Variants in RAB28 observed in about 807,000 individuals in gnomAD.
The protein encoded by RAB28 is ras-related protein Rab-28.
A neutral mutation model predicts 31.7 loss-of-function variants in RAB28; 24 were observed. The ratio of observed to expected loss-of-function variants is 0.76; its 90% CI spans 0.55 to 1.06. RAB28 has a LOEUF of 1.06. Among genes scored for constraint, RAB28 ranks in the 50% least tolerant of loss-of-function variants. The pLI is 0.00. For missense variants in RAB28, 254 were observed against 258.5 expected, an observed-to-expected ratio of 0.98 and a Z score of 0.12; for synonymous variants, 100 against 90.4, an observed-to-expected ratio of 1.11 and a Z score of -0.60.
intron 4 of RAB28, among the ~76,000 whole-genome samples, chr4:13,438,977 G>T (rs1327692740): frequency 6.6e-6 from 1 of 151,960 alleles, no homozygotes; most frequent in Non-Finnish European, 1.5e-5. Flanking sequence ...CATCCTACTG[G>T]GTGTGACATG....
At chr4:13,377,071 T>C (rs888823824) in intron 5 of RAB28, among the ~76,000 whole-genome samples, 3 of 152,226 alleles carry the variant, frequency 2.0e-5, no homozygotes, top group South Asian at 4.1e-4. Flanking sequence ...TCTAACACTT[T>C]AATACTCTCT....
intron 1 of RAB28, among the ~76,000 whole-genome samples, chr4:13,480,058 C>T (rs980779691): frequency 6.6e-6 from 1 of 151,520 alleles, no homozygotes; most frequent in Non-Finnish European, 1.5e-5. Context: ...ATGAAAATGA[C>T]CCTAAAGAAA....
At chr4:13,447,073 A>T (rs1393810824) in intron 4 of RAB28, among the ~76,000 whole-genome samples, 4 of 152,038 alleles carry the variant, frequency 2.6e-5, no homozygotes, top group African/African-American at 7.2e-5. Context: ...GAGAGAATCT[A>T]TTATTCCTAG....
chr4:13,400,315 T>C (rs908857448), intron 4 of RAB28, among the ~76,000 whole-genome samples: 5 of 152,178 alleles, frequency 3.3e-5, no homozygotes, highest in Admixed American at 6.5e-5. Context: ...GGATTTTTCA[T>C]CTTCCCTATA....
At chr4:13,380,495 G>A (rs935451788) in intron 5 of RAB28, among the ~76,000 whole-genome samples, 1 of 151,468 alleles carries the variant, frequency 6.6e-6, no homozygotes, top group Non-Finnish European at 1.5e-5. Context: ...AGCAGAAAGT[G>A]AATAACTAAT....
chr4:13,383,838 T>G (rs1006339771), intron 4 of RAB28, among the ~76,000 whole-genome samples: 1 of 152,200 alleles, frequency 6.6e-6, no homozygotes, highest in African/African-American at 2.4e-5. Context: ...CTAGGGGAAC[T>G]GTCAGACCTG....
At chr4:13,373,139 A>G (rs1372652978) in intron 6 of RAB28, among the ~76,000 whole-genome samples, 3 of 152,168 alleles carry the variant, frequency 2.0e-5, no homozygotes, top group Admixed American at 2.0e-4. Flanking sequence ...ACTGAAGGAC[A>G]CAAGACAGGA....
chr4:13,398,497 G>A (rs1268486553), intron 4 of RAB28, among the ~76,000 whole-genome samples: 2 of 152,120 alleles, frequency 1.3e-5, no homozygotes, highest in Admixed American at 6.5e-5. Context: ...TAAGACTGTC[G>A]GCCGGGCGCG....
intron 5 of RAB28, among the ~76,000 whole-genome samples, chr4:13,378,026 G>GCT (rs1728988167): frequency 6.6e-6 from 1 of 152,180 alleles, no homozygotes; most frequent in Non-Finnish European, 1.5e-5. Flanking sequence ...CAGCCTATTA[G>GCT]ACATCTAAGA....
chr4:13,427,764 A>G (rs1361118501), intron 4 of RAB28, among the ~76,000 whole-genome samples: 1 of 152,196 alleles, frequency 6.6e-6, no homozygotes, highest in Non-Finnish European at 1.5e-5. Flanking sequence ...AAACTCATTG[A>G]ATGCTCAGGG....
intron 3 of RAB28, among the ~76,000 whole-genome samples, chr4:13,462,348 C>T (rs1002003721): frequency 6.6e-6 from 1 of 152,116 alleles, no homozygotes; most frequent in African/African-American, 2.4e-5. Flanking sequence ...CATATAGATA[C>T]AGCAGATGTA....
chr4:13,452,001 T>A (rs575846983), intron 4 of RAB28, among the ~76,000 whole-genome samples: 1 of 152,066 alleles, frequency 6.6e-6, no homozygotes, highest in South Asian at 2.1e-4. Context: ...CTTTGTAGTA[T>A]GTTTTCAACT....
At chr4:13,435,387 C>G (rs1714042938) in intron 4 of RAB28, among the ~76,000 whole-genome samples, 1 of 151,472 alleles carries the variant, frequency 6.6e-6, no homozygotes, top group East Asian at 1.9e-4. Flanking sequence ...CAGAGCATAA[C>G]TAAATGGAAT....
At chr4:13,459,792 T>C (rs1715495680) in intron 4 of RAB28, 9 of 1,208,354 alleles carry the variant, frequency 7.4e-6, no homozygotes, top group East Asian at 6.3e-5. Context: ...GACACTTCTT[T>C]CTTCCCTAAA....
chr4:13,462,456 T>C (rs912735440), intron 3 of RAB28, among the ~76,000 whole-genome samples: 1 of 152,198 alleles, frequency 6.6e-6, no homozygotes, highest in African/African-American at 2.4e-5. Flanking sequence ...ATGTGTGACT[T>C]TATACATAAT....
intron 3 of RAB28, among the ~76,000 whole-genome samples, chr4:13,464,280 G>C (rs1715738387): frequency 1.3e-5 from 2 of 152,044 alleles, no homozygotes; most frequent in South Asian, 4.1e-4. Context: ...GGCATGAAGA[G>C]AGGAAAAAAG....
chr4:13,396,204 G>A (rs924533277), intron 4 of RAB28, among the ~76,000 whole-genome samples: 1 of 151,916 alleles, frequency 6.6e-6, no homozygotes, highest in African/African-American at 2.4e-5. Context: ...TATAGCACTT[G>A]TACAGATTTC....
intron 6 of RAB28, among the ~76,000 whole-genome samples, chr4:13,369,144 C>G (rs540751576): frequency 3.8e-4 from 58 of 152,178 alleles, no homozygotes; most frequent in African/African-American, 1.3e-3. Flanking sequence ...AGAGGATTCA[C>G]ATATAAAGCA....
rs181628438 is a variant in RAB28 at position 13,453,682 on chromosome 4, T to C, written c.391+7017A>G. On this transcript the variant is annotated intron_variant, in intron 4 of 6. Coordinates refer to ENST00000330852, the MANE Select transcript of RAB28 (RefSeq NM_001017979.3). ...CCATTCTATCCTGGCCTGTAAGGTT[T>C]CTGCTGAAAAATCCACAGTTAGTCC... Among the ~76,000 whole-genome samples the C allele has an allele frequency of 2.2e-3, 331 of 152,258 alleles. 3 individuals are homozygous for C. Among genetic ancestry groups the C allele is most frequent in the Non-Finnish European group, 2.0e-3 (134 of 67,988 alleles).
Sources: allele counts gnomAD v4.1 joint callset (sites outside exome capture counted in the v4.1 genomes callset), GRCh38; gene constraint gnomAD v4.1.1; transcripts MANE v1.5; gene names NCBI Gene and HGNC (gene_info 2026-07-23, HGNC 2026-07-21).